Variants in SYNC observed in about 807,000 individuals in gnomAD.
SYNC encodes syncoilin.
SYNC carries 38 observed loss-of-function variants against 49.5 expected under a neutral mutation model. The ratio of observed to expected loss-of-function variants is 0.77; its 90% CI spans 0.59 to 1.01. The LOEUF (loss-of-function observed/expected upper bound fraction) is 1.01. Ranked by LOEUF, SYNC falls within the 50% of genes least tolerant of loss-of-function variation. The pLI is 0.00. For synonymous variants in SYNC, 201 were observed against 230.8 expected (o/e 0.87, Z 1.17); for missense variants, 579 against 580.6 (o/e 1.00, Z 0.03).
At chr1:32,683,764 C>T (rs987137963) in intron 4 of SYNC, 2 of 413,720 alleles carry the variant, frequency 4.8e-6, no homozygotes, top group African/African-American at 2.0e-5. Flanking sequence ...TCCTGAGTAG[C>T]TGGGATTATA....
upstream of SYNC, chr1:32,703,058 G>A (rs1271630325): frequency 2.6e-5 from 4 of 152,294 alleles, no homozygotes; most frequent in African/African-American, 9.7e-5. Flanking sequence ...GTGGAGGCAG[G>A]GTTGGGCGGG....
upstream of SYNC, chr1:32,702,818 G>A (rs925607404): frequency 4.0e-5 from 20 of 499,924 alleles, no homozygotes; most frequent in Non-Finnish European, 5.0e-5. The surrounding 1 kb of genome is among the most constrained non-coding windows in gnomAD (Gnocchi z 6.2). Context: ...CTCCTGCCGG[G>A]GGAGGAGGGA....
At position 32,695,622 on chromosome 1, in the gene SYNC, TGCTCG is replaced by T; in HGVS notation, c.471_475del (p.Gln159ProfsTer39). 6.4e-7 allele frequency: 1 copy of T among 1,551,684 alleles called. No homozygotes were observed. Among genetic ancestry groups the T allele is most frequent in the South Asian group, 1.2e-5 (1 of 84,042 alleles). On this transcript the variant is annotated frameshift_variant, in exon 2 of 5. Transcript: ENST00000409190. LOFTEE classifies it high-confidence loss of function. The stretch of plus-strand genomic sequence containing the variant: ...CAGGTTCTCCTCCATGCTGGGGCTC[TGCTCG>T]GCTCTGAGGCTCTCCTCAGGGTTAG...
At chr1:32,692,026 A>C (rs892400013) in intron 2 of SYNC, among the ~76,000 whole-genome samples, 6 of 152,036 alleles carry the variant, frequency 3.9e-5, no homozygotes, top group Admixed American at 2.6e-4. Context: ...AGATCAGGAG[A>C]TGGAGACCAT....
chr1:32,683,690 G>A (rs1014640842), intron 4 of SYNC: 1 of 264,148 alleles, frequency 3.8e-6, no homozygotes, highest in Non-Finnish European at 7.4e-6. Flanking sequence ...CTGGAGTGCT[G>A]TATTGTGATC....
intron 1 of SYNC, among the ~76,000 whole-genome samples, chr1:32,698,672 G>T (rs1650545447): frequency 6.6e-6 from 1 of 152,142 alleles, no homozygotes. Flanking sequence ...TGACCCAGCT[G>T]CCTATTGCCT....
At position 32,695,047 on chromosome 1, in the gene SYNC, G is replaced by C; in HGVS notation, c.1051C>G (p.Leu351Val). 6.2e-7 allele frequency: 1 copy of C among 1,613,642 alleles called. No homozygotes were observed. Among genetic ancestry groups the C allele is most frequent in the Non-Finnish European group, 8.5e-7 (1 of 1,179,964 alleles). Residue 351 changes from leucine (L) to valine (V), a missense_variant, in exon 2 of 5, where the codon CTA (leucine) becomes GTA (valine). Leu to Val is a conservative substitution (Grantham distance 32). Transcript: ENST00000409190. ...TTGGTCCCAGCTTCTTTCCTCTCTAGGAGCCGCAGGAACTGAGGCTCATAC... is the reference window on the plus strand; with the variant it reads ...TTGGTCCCAGCTTCTTTCCTCTCTACGAGCCGCAGGAACTGAGGCTCATAC... ...EEYEPQFLRL[L>V]ERKEAGTKAL...
At position 32,680,738 on chromosome 1, in the gene SYNC, T is replaced by A. The variant is rs1649380984; in HGVS notation, c.*1112A>T. The A allele has an allele frequency of 1.8e-6, 1 of 548,732 alleles. No homozygotes were observed. The highest frequency in any genetic ancestry group is 3.2e-6 in the Non-Finnish European group (1 of 310,434). The allele number at this position is 548,732 out of a possible 1,614,324, so 34.0% of individuals were successfully genotyped here. A position where few individuals can be genotyped will look rare whatever the true frequency, so the allele number is the denominator to read the frequency against. ...CTAGAAGAGTCCTTCAGATGACAGTTGTTGTCCATGGTCTTTGACTATCAA... is the reference window on the plus strand; with the variant it reads ...CTAGAAGAGTCCTTCAGATGACAGTAGTTGTCCATGGTCTTTGACTATCAA... On this transcript the variant is annotated 3_prime_UTR_variant, in exon 5 of 5. Transcript: ENST00000409190.
Position 32,695,089 on chromosome 1 carries a change from G to A in SYNC, c.1009C>T (p.Gln337Ter), listed in dbSNP as rs779629527. The change falls in exon 2 of 5, where the codon CAG (glutamine) becomes TAG (stop). Residue 337 changes from glutamine to a stop codon, truncating the protein, a stop_gained. Transcript: ENST00000409190. LOFTEE classifies it high-confidence loss of function. ...QFENLMAESRQDLEEEYEPQF... is the reference protein window; with the variant it reads ...QFENLMAESR Reference sequence around the variant, plus strand: ...GGCTCATACTCCTCCTCCAGGTCCTGGCGGCTCTCTGCCATGAGATTTTCA... The same window carrying A: ...GGCTCATACTCCTCCTCCAGGTCCTAGCGGCTCTCTGCCATGAGATTTTCA... 9 of 1,613,240 alleles carry A rather than the reference G, an allele frequency of 5.6e-6. No homozygotes were observed. In the African/African-American group the frequency reaches 1.1e-4, roughly 19 times the overall value.
intron 1 of SYNC, among the ~76,000 whole-genome samples, chr1:32,701,303 C>G (rs576940264): frequency 6.6e-6 from 1 of 152,334 alleles, no homozygotes; most frequent in African/African-American, 2.4e-5. Flanking sequence ...ATCTCCCAGA[C>G]AGCCCCATGT....
At chr1:32,686,443 C>G (rs1173559046) in intron 2 of SYNC, among the ~76,000 whole-genome samples, 8 of 152,300 alleles carry the variant, frequency 5.3e-5, no homozygotes, top group Non-Finnish European at 1.0e-4. Flanking sequence ...CCAGCACTTG[C>G]ATTGACAGCA....
rs932439801 is a variant in SYNC, at chr1:32,702,311, T to C, written c.53+297A>G. Among the ~76,000 whole-genome samples, 7 of 152,238 alleles carry C rather than the reference T, an allele frequency of 4.6e-5. No individual in the cohort carries two copies. The highest frequency in any genetic ancestry group is 7.3e-5 in the Non-Finnish European group (5 of 68,038). ...AAGGCTAGCGAGAAGTGTCTTTGGCTGCTATGGGCCAAATGGCACTTGAGC... is the reference window on the plus strand; with the variant it reads ...AAGGCTAGCGAGAAGTGTCTTTGGCCGCTATGGGCCAAATGGCACTTGAGC... On this transcript the variant is annotated intron_variant, in intron 1 of 4. Coordinates refer to ENST00000409190, the MANE Select transcript of SYNC (RefSeq NM_030786.3). This position sits in a 1 kb window ranked among gnomAD's most constrained non-coding sequence, Gnocchi z 6.2.
intron 2 of SYNC, among the ~76,000 whole-genome samples, chr1:32,689,758 T>C (rs145095893): frequency 0.072 from 10,909 of 151,592 alleles, 1,302 homozygotes; most frequent in African/African-American, 0.25. Flanking sequence ...CTGGCCAACG[T>C]GGTGAAACCC....
rs1026969814 is a variant in SYNC, at chr1:32,702,760, C to T, written c.-100G>A. On this transcript the variant is annotated 5_prime_UTR_variant, in exon 1 of 5. Coordinates refer to ENST00000409190, the MANE Select transcript of SYNC (RefSeq NM_030786.3). The surrounding 1 kb of genome is among the most constrained non-coding windows in gnomAD (Gnocchi z 6.2). ...CCGCCGCACTGCCAGCTGCAACCGACACCGGATCCCGGCCGGCCCCGGGCC... is the reference window on the plus strand; with the variant it reads ...CCGCCGCACTGCCAGCTGCAACCGATACCGGATCCCGGCCGGCCCCGGGCC... 3.0e-6 allele frequency: 3 copies of T among 997,122 alleles called. No individual in the cohort carries two copies. The African/African-American group carries it at 5.2e-5, about 17-fold the overall frequency. 61.8% of individuals were successfully genotyped at this position (997,122 alleles called of 1,614,324 possible). A position where few individuals can be genotyped will look rare whatever the true frequency, so the allele number is the denominator to read the frequency against.
At chr1:32,688,658 G>T (rs757934708) in intron 2 of SYNC, among the ~76,000 whole-genome samples, 1 of 151,896 alleles carries the variant, frequency 6.6e-6, no homozygotes, top group Non-Finnish European at 1.5e-5. Flanking sequence ...GTGCAGTGGC[G>T]CGATCTCAAC....
chr1:32,692,245 A>T (rs1006292562), intron 2 of SYNC, among the ~76,000 whole-genome samples: 1 of 151,940 alleles, frequency 6.6e-6, no homozygotes, highest in African/African-American at 2.4e-5. Context: ...AATAATCATC[A>T]TCATCATCAT....
intron 2 of SYNC, among the ~76,000 whole-genome samples, chr1:32,688,842 A>G (rs1351965085): frequency 6.6e-6 from 1 of 151,986 alleles, no homozygotes; most frequent in Non-Finnish European, 1.5e-5. Flanking sequence ...CTGCCTCCCA[A>G]AGTGCTGGGA....
Position 32,695,505 on chromosome 1 carries a change from T to C in SYNC, c.593A>G (p.His198Arg), listed in dbSNP as rs554437078. The change falls in exon 2 of 5, where the codon CAT becomes CGT. Residue 198 changes from histidine (H) to arginine (R), a missense_variant. By Grantham distance (29) the His-to-Arg change is conservative (BLOSUM62 0). Coordinates refer to ENST00000409190, the MANE Select transcript of SYNC (RefSeq NM_030786.3). ...TGGTTCCCGGAGCAATACAAGCTCA[T>C]GGATGAGCTGATCCCTCTCCTCTTC... ...QLEEERDQLI[H>R]ELVLLREPAL... 25 of 1,551,356 alleles carry C rather than the reference T, an allele frequency of 1.6e-5. No individual in the cohort carries two copies. The highest frequency in any genetic ancestry group is 2.1e-5 in the Non-Finnish European group (24 of 1,146,966).
chr1:32,696,191 C>T (rs141948167), intron 1 of SYNC, 147 bp from the exon 2 acceptor site: 5 of 644,186 alleles, frequency 7.8e-6, no homozygotes, highest in Admixed American at 2.9e-5. Context: ...CAATCCACCC[C>T]TCCACACACC....
Sources: gnomAD v4.1 joint callset for allele counts (sites outside exome capture counted in the v4.1 genomes callset) on GRCh38, gnomAD v4.1.1 for gene constraint, Gnocchi (gnomAD v3.1) non-coding constraint, MANE v1.5 for transcripts, NCBI Gene and HGNC (gene_info 2026-07-23, HGNC 2026-07-21) for gene names.